PTPRD: variants seen among roughly 807,000 people sequenced by gnomAD.
PTPRD encodes the protein receptor-type tyrosine-protein phosphatase delta.
A neutral mutation model predicts 214.5 loss-of-function variants in PTPRD; 34 were observed. The observed-to-expected ratio is 0.16, with a 90% CI of 0.12 to 0.21. PTPRD has a LOEUF of 0.21. Among genes scored for constraint, PTPRD ranks in the 10% least tolerant of loss-of-function variants. The pLI, the probability that PTPRD is intolerant of heterozygous loss-of-function variation, is 1.00. For missense variants in PTPRD, 2,545 were observed against 2,398.7 expected (o/e 1.06, Z -1.27); for synonymous variants, 1,128 against 845.7 (o/e 1.33, Z -5.79).
At chr9:8,893,680 G>A (rs2098565761) in intron 11 of PTPRD, among the ~76,000 whole-genome samples, 1 of 152,164 alleles carries the variant, frequency 6.6e-6, no homozygotes, top group South Asian at 2.1e-4. Flanking sequence ...GACCTCTTAT[G>A]CATGTGCACA....
intron 3 of PTPRD, among the ~76,000 whole-genome samples, chr9:10,047,009 G>A (rs1023461653): frequency 3.3e-5 from 5 of 151,576 alleles, no homozygotes; most frequent in African/African-American, 1.2e-4. Flanking sequence ...TAAATGCCAA[G>A]GACATTTTGT....
chr9:9,302,195 T>G (rs1955560839), intron 9 of PTPRD, among the ~76,000 whole-genome samples: 1 of 151,966 alleles, frequency 6.6e-6, no homozygotes, highest in African/African-American at 2.4e-5. Flanking sequence ...ATTTCTTCTT[T>G]TTTTAAATTG....
intron 3 of PTPRD, among the ~76,000 whole-genome samples, chr9:10,153,044 G>A (rs1412067551): frequency 6.6e-6 from 1 of 152,162 alleles, no homozygotes; most frequent in Non-Finnish European, 1.5e-5. Context: ...GTTGGTCAAA[G>A]AGTAAAAGTT....
At chr9:9,542,820 C>G (rs10977841) in intron 8 of PTPRD, among the ~76,000 whole-genome samples, 59,368 of 151,402 alleles carry the variant, frequency 0.39, 12,034 homozygotes, top group African/African-American at 0.44. Flanking sequence ...TGTTAACAAC[C>G]ATGAGGAGCA....
chr9:9,944,610 G>T (rs2092269294), intron 4 of PTPRD, among the ~76,000 whole-genome samples: 1 of 152,036 alleles, frequency 6.6e-6, no homozygotes, highest in African/African-American at 2.4e-5. Flanking sequence ...GTATAACTGG[G>T]TGAAGAGTAT....
At chr9:10,568,600 C>T (rs994100656) in intron 2 of PTPRD, among the ~76,000 whole-genome samples, 1 of 152,064 alleles carries the variant, frequency 6.6e-6, no homozygotes, top group Non-Finnish European at 1.5e-5. Flanking sequence ...AAAAGTGTTC[C>T]TATTTCTAAT....
chr9:9,743,769 CAA>C (rs1491157446), intron 6 of PTPRD, among the ~76,000 whole-genome samples: 3,773 of 146,308 alleles, frequency 0.026, 136 homozygotes, highest in African/African-American at 0.081. Flanking sequence ...CACACACACA[CAA>C]TTTATACTGA....
intron 8 of PTPRD, among the ~76,000 whole-genome samples, chr9:9,555,999 C>T (rs1432448778): frequency 6.6e-6 from 1 of 151,986 alleles, no homozygotes; most frequent in East Asian, 1.9e-4. Flanking sequence ...GTACAGTTGA[C>T]CCTTGAACAA....
At chr9:9,232,991 A>G (rs927932846) in intron 9 of PTPRD, among the ~76,000 whole-genome samples, 1 of 152,096 alleles carries the variant, frequency 6.6e-6, no homozygotes, top group Non-Finnish European at 1.5e-5. Flanking sequence ...AAATTCTCTA[A>G]CCCAACCTTG....
At chr9:9,888,277 G>A (rs1003789286) in intron 5 of PTPRD, among the ~76,000 whole-genome samples, 3 of 152,186 alleles carry the variant, frequency 2.0e-5, no homozygotes, top group African/African-American at 7.2e-5. Flanking sequence ...GTCAGATGAA[G>A]AGCGAGACTC....
At chr9:10,145,980 TAA>T (rs1362677065) in intron 3 of PTPRD, among the ~76,000 whole-genome samples, 1 of 152,044 alleles carries the variant, frequency 6.6e-6, no homozygotes, top group Non-Finnish European at 1.5e-5. Context: ...TGATATGTTC[TAA>T]AACTTCAATA....
At chr9:8,602,907 G>C (rs1468942583) in intron 14 of PTPRD, among the ~76,000 whole-genome samples, 1 of 152,052 alleles carries the variant, frequency 6.6e-6, no homozygotes, top group Non-Finnish European at 1.5e-5. Flanking sequence ...TCATTCATCT[G>C]CATAAACTCA....
At chr9:10,085,235 C>G (rs60401409) in intron 3 of PTPRD, among the ~76,000 whole-genome samples, 25 of 151,830 alleles carry the variant, frequency 1.6e-4, no homozygotes, top group Non-Finnish European at 4.4e-5. Flanking sequence ...TGACAACACG[C>G]CTTCTCAACT....
chr9:9,914,615 C>T (rs903490177), intron 5 of PTPRD, among the ~76,000 whole-genome samples: 15 of 152,250 alleles, frequency 9.9e-5, no homozygotes, highest in African/African-American at 2.4e-4. Flanking sequence ...ACGTGTTTAC[C>T]GCGCCTGTGT....
At chr9:9,120,515 C>T (rs2099816599) in intron 10 of PTPRD, among the ~76,000 whole-genome samples, 2 of 152,182 alleles carry the variant, frequency 1.3e-5, no homozygotes, top group Admixed American at 1.3e-4. Context: ...GCTGTGCATG[C>T]CTCCATTGCA....
intron 7 of PTPRD, among the ~76,000 whole-genome samples, chr9:9,634,736 TGC>T (rs1310894577): frequency 2.6e-5 from 4 of 152,182 alleles, no homozygotes; most frequent in African/African-American, 9.7e-5. Context: ...TAGATTTCTG[TGC>T]ATACTACGTA....
In PTPRD at chr9:9,717,002, T is replaced by C. The variant is rs2097847154; in HGVS notation, c.-287+17531A>G. Among the ~76,000 whole-genome samples the C allele has an allele frequency of 2.0e-5, 3 of 152,236 alleles. No individual in the cohort carries two copies. The South Asian group carries it at 6.2e-4, about 31-fold the overall frequency. Reference sequence around the variant, plus strand: ...GTTTTAGATCTAATGTTGAAGTCTTTAATCCATCTTGAATTGATTTTTGTA... The same window carrying C: ...GTTTTAGATCTAATGTTGAAGTCTTCAATCCATCTTGAATTGATTTTTGTA... On this transcript the variant is annotated intron_variant, in intron 7 of 45. Transcript: ENST00000381196.
intron 27 of PTPRD, among the ~76,000 whole-genome samples, chr9:8,490,637 A>T (rs768789365): frequency 6.6e-6 from 1 of 152,214 alleles, no homozygotes; most frequent in Non-Finnish European, 1.5e-5. Flanking sequence ...TTATTACAAT[A>T]CAGAATAATG....
At chr9:10,146,001 T>A (rs1453803035) in intron 3 of PTPRD, among the ~76,000 whole-genome samples, 1 of 151,992 alleles carries the variant, frequency 6.6e-6, no homozygotes, top group Non-Finnish European at 1.5e-5. Flanking sequence ...TATCAAATAT[T>A]CTATTGGATT....
Sources: allele counts gnomAD v4.1 joint callset (sites outside exome capture counted in the v4.1 genomes callset), GRCh38; gene constraint gnomAD v4.1.1; transcripts MANE v1.5; gene names NCBI Gene and HGNC (gene_info 2026-07-23, HGNC 2026-07-21).